Variants in MTERF4 observed in about 807,000 individuals in gnomAD.
The protein encoded by MTERF4 is mitochondrial transcription termination factor 4.
In MTERF4, 17 loss-of-function variants were observed where a neutral mutation model predicts 22.5. That is an observed-to-expected ratio of 0.75 (90% CI 0.52 to 1.13). The LOEUF (loss-of-function observed/expected upper bound fraction) is 1.13. Among genes scored for constraint, MTERF4 ranks in the 50% most tolerant of loss-of-function variants. The pLI, the probability that MTERF4 is intolerant of heterozygous loss-of-function variation, is 0.00. For synonymous variants in MTERF4, 165 were observed against 175.3 expected (o/e 0.94, Z 0.47); for missense variants, 420 against 466.8 (o/e 0.90, Z 0.92).
downstream of MTERF4, chr2:241,087,154 C>T: frequency 2.1e-6 from 1 of 481,460 alleles, no homozygotes; most frequent in Non-Finnish European, 3.6e-6. Context: ...CATCAGAATG[C>T]ACATTAAAAT....
chr2:241,090,502 T>G, downstream of MTERF4: 2 of 1,486,376 alleles, frequency 1.3e-6, no homozygotes, highest in Non-Finnish European at 1.8e-6. Context: ...ACATCACAAA[T>G]TATCATCAAG....
chr2:241,067,955 G>A (rs769378677), downstream of MTERF4: 55 of 1,602,568 alleles, frequency 3.4e-5, no homozygotes, highest in Non-Finnish European at 4.3e-5. Flanking sequence ...TAGGTAAGAA[G>A]GGACACCCAG....
chr2:241,083,063 A>G (rs74000359), downstream of MTERF4, among the ~76,000 whole-genome samples: 1,717 of 131,678 alleles, frequency 0.013, 41 homozygotes, highest in African/African-American at 0.041. Flanking sequence ...GGGACAGACA[A>G]CAGACAGCAG....
At chr2:241,081,716 G>C (rs1212050844) in intron 4 of MTERF4, 1 of 1,609,564 alleles carries the variant, frequency 6.2e-7, no homozygotes, top group East Asian at 2.2e-5. Flanking sequence ...TGTCAGAACG[G>C]AGGCACTTGT....
chr2:241,064,794 G>C, the MTERF4 span: 1 of 1,352,002 alleles, frequency 7.4e-7, no homozygotes, highest in African/African-American at 1.5e-5. The surrounding 1 kb of genome is among the most constrained non-coding windows in gnomAD (Gnocchi z 7.0). Context: ...GGCTGGAGCA[G>C]GGACCCCTGG....
Position 241,073,843 on chromosome 2 carries a change from T to G in MTERF4, n.2319A>C. ...GTTATGCAGGACCTGAACTGTCTCC[T>G]AGTCCGGGGCTCTGCCTCGTGAGGA... On this transcript the variant is annotated non_coding_transcript_exon_variant, in exon 5 of 5. Coordinates refer to the MTERF4 transcript ENST00000464344. The surrounding 1 kb of genome is among the most constrained non-coding windows in gnomAD (Gnocchi z 6.6). 5.0e-6 allele frequency: 1 copy of G among 200,904 alleles called. No individual in the cohort carries two copies. 12.4% of individuals were successfully genotyped at this position (200,904 alleles called of 1,614,324 possible). A position where few individuals can be genotyped will look rare whatever the true frequency, so the allele number is the denominator to read the frequency against.
downstream of MTERF4, chr2:241,068,089 C>G: frequency 1.3e-6 from 1 of 790,200 alleles, no homozygotes; most frequent in Non-Finnish European, 2.0e-6. This position sits in a 1 kb window ranked among gnomAD's most constrained non-coding sequence, Gnocchi z 5.3. Flanking sequence ...ACAAAGGTCT[C>G]AGGTGAGCCA....
intron 3 of MTERF4, 80 bp downstream of exon 3, chr2:241,097,163 T>C (rs546942361): frequency 2.3e-4 from 359 of 1,528,148 alleles, no homozygotes; most frequent in Non-Finnish European, 3.1e-4. Flanking sequence ...TACCAGTCAT[T>C]CTCACCTGAA....
Position 241,096,663 on chromosome 2 carries a change from A to T in MTERF4, c.706-225T>A. 1 of 665,852 alleles carries T rather than the reference A, an allele frequency of 1.5e-6. No individual in the cohort carries two copies. Among genetic ancestry groups the T allele is most frequent in the African/African-American group, 1.8e-5 (1 of 55,972 alleles). The allele number at this position is 665,852 out of a possible 1,614,324, so 41.2% of individuals were successfully genotyped here. A position where few individuals can be genotyped will look rare whatever the true frequency, so the allele number is the denominator to read the frequency against. On this transcript the variant is annotated intron_variant, in intron 3 of 3. Coordinates refer to ENST00000391980, the MANE Select transcript of MTERF4 (RefSeq NM_182501.4). The surrounding 1 kb of genome is among the most constrained non-coding windows in gnomAD (Gnocchi z 5.1). ...ATGGAGCAGGAAATAAAGGGGTGGG[A>T]GGGAAAAGGGGCAGGAGGGAGAAGG...
At chr2:241,082,596 G>A (rs1045484488), downstream of MTERF4, among the ~76,000 whole-genome samples, 5 of 152,182 alleles carry the variant, frequency 3.3e-5, no homozygotes, top group Admixed American at 6.5e-5. Flanking sequence ...TGAGAAGAAC[G>A]CAGGCTCCTG....
downstream of MTERF4, chr2:241,089,210 A>T: frequency 7.8e-7 from 1 of 1,283,122 alleles, no homozygotes; most frequent in Non-Finnish European, 1.1e-6. Context: ...TCAACATGTC[A>T]CTGCATGAAA....
At chr2:241,053,545 T>A in the MTERF4 span, among the ~76,000 whole-genome samples, 1 of 152,168 alleles carries the variant, frequency 6.6e-6, no homozygotes, top group African/African-American at 2.4e-5. Context: ...ACTAAAGGCT[T>A]CCCCATCCTC....
At chr2:241,052,488 C>G in the MTERF4 span, 1 of 1,523,372 alleles carries the variant, frequency 6.6e-7, no homozygotes, top group Non-Finnish European at 8.9e-7. Context: ...TCAGGGGGAT[C>G]AAGCAGGGTA....
At chr2:241,054,811 A>G in the MTERF4 span, among the ~76,000 whole-genome samples, 1 of 152,208 alleles carries the variant, frequency 6.6e-6, no homozygotes, top group East Asian at 1.9e-4. Flanking sequence ...GGGAAAGATA[A>G]ATAAATAAAA....
chr2:241,070,211 G>C (rs374943499), downstream of MTERF4: 16 of 1,597,018 alleles, frequency 1.0e-5, no homozygotes, highest in Non-Finnish European at 1.4e-5. Context: ...TGTGAGTGCC[G>C]TGGGCCCTGC....
chr2:241,095,789 C>T lies in MTERF4; in HGVS notation c.*209G>A, dbSNP rs188415696. ...TGGGACAGGGCCCTCCCCACAGACA[C>T]GTGACAACAGATCAAACATGCATTT... On this transcript the variant is annotated 3_prime_UTR_variant, in exon 4 of 4. Coordinates refer to ENST00000391980, the MANE Select transcript of MTERF4 (RefSeq NM_182501.4). The T allele has an allele frequency of 4.7e-6, 4 of 857,076 alleles. No homozygotes were observed. Among genetic ancestry groups the T allele is most frequent in the Admixed American group, 2.7e-5 (1 of 37,370 alleles). 53.1% of individuals were successfully genotyped at this position (857,076 alleles called of 1,614,324 possible). A position where few individuals can be genotyped will look rare whatever the true frequency, so the allele number is the denominator to read the frequency against.
At chr2:241,068,169 A>G (rs981114252), downstream of MTERF4, among the ~76,000 whole-genome samples, 9 of 152,194 alleles carry the variant, frequency 5.9e-5, no homozygotes, top group African/African-American at 2.2e-4. This position sits in a 1 kb window ranked among gnomAD's most constrained non-coding sequence, Gnocchi z 5.3. Context: ...ACACCTTGGT[A>G]GTGTTTTAAA....
rs770108881 is a variant in MTERF4, at chr2:241,099,859, C to G, written c.57G>C (p.Trp19Cys). The G allele has an allele frequency of 3.7e-6, 6 of 1,613,732 alleles. No homozygotes were observed. Among genetic ancestry groups the G allele is most frequent in the Non-Finnish European group, 5.1e-6 (6 of 1,180,008 alleles). Reference sequence around the variant, plus strand: ...GAGGAGTCTGCCTAGCCATACAGGCCCAGGTGAGGGGGATCAGGCGGTGCC... The same window carrying G: ...GAGGAGTCTGCCTAGCCATACAGGCGCAGGTGAGGGGGATCAGGCGGTGCC... The part of the protein sequence containing the change: ...LDWHRLIPLT[W>C]ACMARQTPHL... The change falls in exon 2 of 4, where the codon TGG becomes TGC. Residue 19 changes from tryptophan to cysteine, a missense_variant. Coordinates refer to ENST00000391980, the MANE Select transcript of MTERF4 (RefSeq NM_182501.4).
At chr2:241,080,728 G>A (rs541330098) in intron 4 of MTERF4, among the ~76,000 whole-genome samples, 4 of 152,374 alleles carry the variant, frequency 2.6e-5, no homozygotes, top group East Asian at 1.9e-4. Context: ...TGTGTTCATC[G>A]TGATGCTCAG....
Sources: allele counts gnomAD v4.1 joint callset (sites outside exome capture counted in the v4.1 genomes callset), GRCh38; gene constraint gnomAD v4.1.1; non-coding constraint Gnocchi (gnomAD v3.1); transcripts MANE v1.5; gene names NCBI Gene and HGNC (gene_info 2026-07-23, HGNC 2026-07-21).